The following RBP3 variants were observed in gnomAD, a reference collection of about 807,000 sequenced individuals.
RBP3 encodes the protein retinol-binding protein 3.
Under a neutral mutation model 64.8 loss-of-function variants are expected in RBP3, and 50 were observed. The observed-to-expected ratio is 0.77, with a 90% CI of 0.61 to 0.98. The LOEUF (loss-of-function observed/expected upper bound fraction) is 0.98. RBP3 is among the 50% of genes least tolerant of loss of function. The probability of loss-of-function intolerance (pLI) is 0.00; values close to 1 mark genes in which losing one functional copy is unlikely to be tolerated. For synonymous variants in RBP3, 828 were observed against 730.2 expected, an observed-to-expected ratio of 1.13 and a Z score of -2.16; for missense variants, 1,712 against 1,660.5, an observed-to-expected ratio of 1.03 and a Z score of -0.54.
intron 3 of RBP3, among the ~76,000 whole-genome samples, chr10:47,356,375 C>T (rs999649066): frequency 3.3e-5 from 5 of 152,026 alleles, no homozygotes; most frequent in East Asian, 1.9e-4. Context: ...GCCCCAAAAC[C>T]GCAAGGTCCA....
Position 47,349,098 on chromosome 10 carries a change from A to G in RBP3, c.614A>G (p.Asn205Ser), listed in dbSNP as rs1836901808. Reference sequence around the variant, plus strand: ...GACACTATCTACAACCGCCCCTCCAACACCACCACGGAGATCTGGACCTTG... The same window carrying G: ...GACACTATCTACAACCGCCCCTCCAGCACCACCACGGAGATCTGGACCTTG... ...HVDTIYNRPS[N>S]TTTEIWTLPQ... Residue 205 changes from asparagine (N) to serine (S), a missense_variant, in exon 1 of 4, where the codon AAC (asparagine) becomes AGC (serine). By Grantham distance (46) the Asn-to-Ser change is conservative (BLOSUM62 1). Transcript: ENST00000584701. 6.2e-7 allele frequency: 1 copy of G among 1,613,864 alleles called. No individual in the cohort carries two copies. Among genetic ancestry groups the G allele is most frequent in the African/African-American group, 1.3e-5 (1 of 74,904 alleles).
chr10:47,351,432 A>C lies in RBP3; in HGVS notation c.2948A>C (p.Glu983Ala). The C allele has an allele frequency of 6.2e-7, 1 of 1,613,772 alleles. No individual in the cohort carries two copies. Among genetic ancestry groups the C allele is most frequent in the Non-Finnish European group, 8.5e-7 (1 of 1,180,042 alleles). Reference protein sequence around the residue: ...SRVTSEVALAEILGADLQMLS... With the variant: ...SRVTSEVALAAILGADLQMLS... ...GTGACCTCAGAAGTGGCCCTAGCCG[A>C]GATCCTGGGGGCTGACCTGCAGATG... The change falls in exon 1 of 4, where the codon GAG becomes GCG. Residue 983 changes from glutamate (E) to alanine (A), a missense_variant. Glu to Ala is a moderately radical substitution (Grantham distance 107). Coordinates refer to ENST00000584701, the MANE Select transcript of RBP3 (RefSeq NM_002900.3).
At position 47,350,807 on chromosome 10, in the gene RBP3, A is replaced by G. The variant is rs1335496208; in HGVS notation, c.2323A>G (p.Thr775Ala). 1 of 1,612,952 alleles carries G rather than the reference A, an allele frequency of 6.2e-7. No individual in the cohort carries two copies. The highest frequency in any genetic ancestry group is 8.5e-7 in the Non-Finnish European group (1 of 1,180,026). ...VRLVWQQLVDTAALVIDLRYN... is the reference protein window; with the variant it reads ...VRLVWQQLVDAAALVIDLRYN... The stretch of plus-strand genomic sequence containing the variant: ...GCTGGTATGGCAACAGCTGGTGGAC[A>G]CGGCTGCGCTGGTGATCGACCTGCG... Residue 775 changes from threonine to alanine, a missense_variant, in exon 1 of 4, where the codon ACG becomes GCG. By Grantham distance (58) the Thr-to-Ala change is moderately conservative. Coordinates refer to ENST00000584701, the MANE Select transcript of RBP3 (RefSeq NM_002900.3).
chr10:47,350,971 C>T lies in RBP3; in HGVS notation c.2487C>T (p.Val829=), dbSNP rs1281665038. 18 of 1,612,130 alleles carry T rather than the reference C, an allele frequency of 1.1e-5. No homozygotes were observed. The African/African-American group carries it at 1.5e-4, about 13-fold the overall frequency. The change falls in exon 1 of 4, where the codon GTC becomes GTT. Residue 829 remains valine (V), a synonymous_variant. Transcript: ENST00000584701. ...KVTEVWTLPQ[V]AGQRYGSHKD... is the part of the protein sequence containing the mutation. ...CGGAGGTGTGGACCTTGCCCCAGGT[C>T]GCCGGCCAGCGCTACGGCTCACACA...
chr10:47,351,296 C>T lies in RBP3; in HGVS notation c.2812C>T (p.Pro938Ser), dbSNP rs1261761299. The change falls in exon 1 of 4, where the codon CCC becomes TCC. Residue 938 changes from proline to serine, a missense_variant. By Grantham distance (74) the Pro-to-Ser change is moderately conservative (BLOSUM62 -1). Transcript: ENST00000584701. ...CATAGTGGCTCTGCGTGCCAAGGTGCCCACGGTGCTGCAGACGGCCGGGAA... is the reference window on the plus strand; with the variant it reads ...CATAGTGGCTCTGCGTGCCAAGGTGTCCACGGTGCTGCAGACGGCCGGGAA... ...QDIVALRAKVPTVLQTAGKLV... is the reference protein window; with the variant it reads ...QDIVALRAKVSTVLQTAGKLV... 1.2e-6 allele frequency: 2 copies of T among 1,613,482 alleles called. No homozygotes were observed. Among genetic ancestry groups the T allele is most frequent in the African/African-American group, 2.7e-5 (2 of 75,070 alleles).
Position 47,349,811 on chromosome 10 carries a change from C to T in RBP3, c.1327C>T (p.Arg443Cys), listed in dbSNP as rs864621999. 8 of 1,613,286 alleles carry T rather than the reference C, an allele frequency of 5.0e-6. No individual in the cohort carries two copies. The highest frequency in any genetic ancestry group is 5.9e-6 in the Non-Finnish European group (7 of 1,180,036). The change falls in exon 1 of 4, where the codon CGC (arginine) becomes TGC (cysteine). Residue 443 changes from arginine to cysteine, a missense_variant. Coordinates refer to ENST00000584701, the MANE Select transcript of RBP3 (RefSeq NM_002900.3). Reference sequence around the variant, plus strand: ...GCTGCCAGGCAATGTGGGCTACCTGCGCTTCGATAGTTTTGCTGACGCCTC... The same window carrying T: ...GCTGCCAGGCAATGTGGGCTACCTGTGCTTCGATAGTTTTGCTGACGCCTC... ...SVLPGNVGYL[R>C]FDSFADASVL... is the part of the protein sequence containing the mutation.
In RBP3 at chr10:47,348,492, G is replaced by A. The variant is rs1555210845; in HGVS notation, c.8G>A (p.Arg3Lys). 4 of 1,602,942 alleles carry A rather than the reference G, an allele frequency of 2.5e-6. No homozygotes were observed. The highest frequency in any genetic ancestry group is 1.7e-5 in the Admixed American group (1 of 60,016). MM[R>K]EWVLLMSVLL... is the part of the protein sequence containing the mutation. The stretch of plus-strand genomic sequence containing the variant: ...GCCTCCCCCTGGGTCCCCATGATGA[G>A]AGAATGGGTTCTGCTCATGTCCGTG... Residue 3 changes from arginine to lysine, a missense_variant, in exon 1 of 4, where the codon AGA (arginine) becomes AAA (lysine). Transcript: ENST00000584701.
At position 47,348,782 on chromosome 10, in the gene RBP3, C is replaced by A. The variant is rs560668153; in HGVS notation, c.298C>A (p.Pro100Thr). Residue 100 changes from proline to threonine, a missense_variant, in exon 1 of 4, where the codon CCA (proline) becomes ACA (threonine). Coordinates refer to ENST00000584701, the MANE Select transcript of RBP3 (RefSeq NM_002900.3). ...TGAGCCCAGCACCCCCGAGCCTCCCCCACAAGTCCCAGCACTCACCAGCCT... is the reference window on the plus strand; with the variant it reads ...TGAGCCCAGCACCCCCGAGCCTCCCACACAAGTCCCAGCACTCACCAGCCT... Reference protein sequence around the residue: ...SYEPSTPEPPPQVPALTSLSE... With the variant: ...SYEPSTPEPPTQVPALTSLSE... The A allele has an allele frequency of 6.2e-7, 1 of 1,613,762 alleles. No homozygotes were observed.
In RBP3 at chr10:47,351,131, C is replaced by G. The variant is rs1555211514; in HGVS notation, c.2647C>G (p.Gln883Glu). Residue 883 changes from glutamine to glutamate, a missense_variant, in exon 1 of 4, where the codon CAG becomes GAG. Physicochemically the swap from Gln to Glu is conservative, Grantham distance 29. Transcript: ENST00000584701. ...AGGCGCACTCTCTGTGGGCATCTACCAGGTGGGCAGCAGCCCCTTATATGC... is the reference window on the plus strand; with the variant it reads ...AGGCGCACTCTCTGTGGGCATCTACGAGGTGGGCAGCAGCCCCTTATATGC... ...AGGALSVGIY[Q>E]VGSSPLYASM... 6.2e-7 allele frequency: 1 copy of G among 1,613,016 alleles called. No individual in the cohort carries two copies. Among genetic ancestry groups the G allele is most frequent in the East Asian group, 2.2e-5 (1 of 44,882 alleles).
rs782362444 is a variant in RBP3 at position 47,349,688 on chromosome 10, G to A, written c.1204G>A (p.Asp402Asn). The stretch of plus-strand genomic sequence containing the variant: ...AGAAACTCCTTCTTGGCCCGCGCCC[G>A]ACGCTGCAGCCGAAGACTCACCAGG... Reference protein sequence around the residue: ...PTETPSWPAPDAAAEDSPGVA... With the variant: ...PTETPSWPAPNAAAEDSPGVA... The change falls in exon 1 of 4, where the codon GAC becomes AAC. Residue 402 changes from aspartate (D) to asparagine (N), a missense_variant. By Grantham distance (23) the Asp-to-Asn change is conservative (BLOSUM62 1). Coordinates refer to ENST00000584701, the MANE Select transcript of RBP3 (RefSeq NM_002900.3). The A allele has an allele frequency of 5.6e-6, 9 of 1,611,466 alleles. No homozygotes were observed. The highest frequency in any genetic ancestry group is 1.7e-5 in the Admixed American group (1 of 60,010).
chr10:47,354,451 A>G (rs1334091480), intron 2 of RBP3, among the ~76,000 whole-genome samples: 1 of 152,142 alleles, frequency 6.6e-6, no homozygotes, highest in Non-Finnish European at 1.5e-5. Context: ...TCGGTCCTGC[A>G]CCCACTGCTT....
chr10:47,348,430 T>C lies in RBP3; in HGVS notation c.-55T>C. On this transcript the variant is annotated 5_prime_UTR_variant, in exon 1 of 4. Transcript: ENST00000584701. Reference sequence around the variant, plus strand: ...AGCTGCACAGAGCAGGGCCACGGCCTTGCACACAGTCCAGGGAGCTTTTGT... The same window carrying C: ...AGCTGCACAGAGCAGGGCCACGGCCCTGCACACAGTCCAGGGAGCTTTTGT... The C allele has an allele frequency of 6.4e-7, 1 of 1,572,728 alleles. No homozygotes were observed.
chr10:47,348,557 C>A lies in RBP3; in HGVS notation c.73C>A (p.Pro25Thr), dbSNP rs142651412. 2.5e-5 allele frequency: 41 copies of A among 1,612,522 alleles called. No individual in the cohort carries two copies. In the African/African-American group the frequency reaches 5.1e-4, roughly 20 times the overall value. Residue 25 changes from proline to threonine, a missense_variant, in exon 1 of 4, where the codon CCA (proline) becomes ACA (threonine). Coordinates refer to ENST00000584701, the MANE Select transcript of RBP3 (RefSeq NM_002900.3). The stretch of plus-strand genomic sequence containing the variant: ...GGCTGGCCCCACACACCTGTTCCAG[C>A]CAAGCCTGGTGCTGGACATGGCCAA... Reference protein sequence around the residue: ...GLAGPTHLFQPSLVLDMAKVL... With the variant: ...GLAGPTHLFQTSLVLDMAKVL...
At position 47,353,478 on chromosome 10, in the gene RBP3, A is replaced by C; in HGVS notation, c.3208A>C (p.Lys1070Gln). Residue 1070 changes from lysine to glutamine, a missense_variant, in exon 2 of 4, where the codon AAG becomes CAG. Physicochemically the swap from Lys to Gln is moderately conservative, Grantham distance 53. Transcript: ENST00000584701. ...SRLLVEHIWK[K>Q]IMHTDAMIID... ...GCTGCTGGTGGAGCACATCTGGAAG[A>C]AGATCATGCACACGGATGCCATGAT... is the stretch of plus-strand genomic sequence containing the variant. 10 of 1,614,172 alleles carry C rather than the reference A, an allele frequency of 6.2e-6. No homozygotes were observed. The highest frequency in any genetic ancestry group is 8.5e-6 in the Non-Finnish European group (10 of 1,180,042).
rs1439273931 is a variant in RBP3 at position 47,350,121 on chromosome 10, C to T, written c.1637C>T (p.Ala546Val). ...GVYLLTSHRT[A>V]TAAEEFAFLM... The stretch of plus-strand genomic sequence containing the variant: ...TATCTGCTCACCAGCCACCGCACCG[C>T]CACGGCCGCGGAGGAGTTCGCCTTC... Residue 546 changes from alanine (A) to valine (V), a missense_variant, in exon 1 of 4, where the codon GCC becomes GTC. Transcript: ENST00000584701. The T allele has an allele frequency of 1.4e-5, 23 of 1,612,942 alleles. No homozygotes were observed. The highest frequency in any genetic ancestry group is 1.9e-5 in the Non-Finnish European group (23 of 1,180,024).
At position 47,350,409 on chromosome 10, in the gene RBP3, G is replaced by T; in HGVS notation, c.1925G>T (p.Gly642Val). Residue 642 changes from glycine to valine, a missense_variant, in exon 1 of 4, where the codon GGC (glycine) becomes GTC (valine). By Grantham distance (109) the Gly-to-Val change is moderately radical. Transcript: ENST00000584701. ...FHQSLGALVE[G>V]TGHLLEAHYA... ...CAAAGCCTGGGGGCCTTGGTGGAGG[G>T]CACAGGGCACCTGCTGGAGGCCCAC... 1 of 1,612,146 alleles carries T rather than the reference G, an allele frequency of 6.2e-7. No individual in the cohort carries two copies. Among genetic ancestry groups the T allele is most frequent in the Non-Finnish European group, 8.5e-7 (1 of 1,179,778 alleles).
Position 47,351,454 on chromosome 10 carries a change from G to C in RBP3, c.2970G>C (p.Gln990His). ...ALAEILGADL[Q>H]MLSGDPHLKA... ...CCGAGATCCTGGGGGCTGACCTGCA[G>C]ATGCTCTCCGGAGACCCACACCTGA... The change falls in exon 1 of 4, where the codon CAG becomes CAC. Residue 990 changes from glutamine to histidine, a missense_variant. Coordinates refer to ENST00000584701, the MANE Select transcript of RBP3 (RefSeq NM_002900.3). 6.2e-7 allele frequency: 1 copy of C among 1,613,828 alleles called. No individual in the cohort carries two copies. The highest frequency in any genetic ancestry group is 8.5e-7 in the Non-Finnish European group (1 of 1,180,044).
In RBP3 at chr10:47,350,671, T is replaced by G; in HGVS notation, c.2187T>G (p.Leu729=). 1 of 1,612,850 alleles carries G rather than the reference T, an allele frequency of 6.2e-7. No homozygotes were observed. The highest frequency in any genetic ancestry group is 8.5e-7 in the Non-Finnish European group (1 of 1,179,934). ...AVPSPEELTY[L]IEALFKTEVL... is the part of the protein sequence containing the mutation. ...CCTCTCCAGAGGAGCTCACCTACCT[T>G]ATTGAGGCCCTGTTCAAGACAGAGG... The change falls in exon 1 of 4, where the codon CTT becomes CTG. Residue 729 remains leucine (L), a synonymous_variant. Transcript: ENST00000584701.
In RBP3 at chr10:47,350,385, A is replaced by G; in HGVS notation, c.1901A>G (p.Gln634Arg). The part of the protein sequence containing the change: ...DKAQEVLEFH[Q>R]SLGALVEGTG... Reference sequence around the variant, plus strand: ...GCCCAGGAAGTGCTGGAGTTCCACCAAAGCCTGGGGGCCTTGGTGGAGGGC... The same window carrying G: ...GCCCAGGAAGTGCTGGAGTTCCACCGAAGCCTGGGGGCCTTGGTGGAGGGC... The change falls in exon 1 of 4, where the codon CAA (glutamine) becomes CGA (arginine). Residue 634 changes from glutamine to arginine, a missense_variant. Coordinates refer to ENST00000584701, the MANE Select transcript of RBP3 (RefSeq NM_002900.3). 1 of 1,612,484 alleles carries G rather than the reference A, an allele frequency of 6.2e-7. No individual in the cohort carries two copies. Among genetic ancestry groups the G allele is most frequent in the Non-Finnish European group, 8.5e-7 (1 of 1,179,910 alleles).
Sources: allele counts gnomAD v4.1 joint callset (sites outside exome capture counted in the v4.1 genomes callset), GRCh38; gene constraint gnomAD v4.1.1; transcripts MANE v1.5; gene names NCBI Gene and HGNC (gene_info 2026-07-23, HGNC 2026-07-21).